The following LRRC38 variants were observed in gnomAD, a reference collection of about 807,000 sequenced individuals.
LRRC38 encodes leucine rich repeat containing 38, also known as leucine-rich repeat-containing protein 38.
A neutral mutation model predicts 16.4 loss-of-function variants in LRRC38; 5 were observed. That is an observed-to-expected ratio of 0.31 (90% confidence interval 0.16 to 0.64). The LOEUF (loss-of-function observed/expected upper bound fraction) is 0.64. LRRC38 is among the 30% of genes least tolerant of loss of function. The pLI, the probability that LRRC38 is intolerant of heterozygous loss-of-function variation, is 0.80. For synonymous variants in LRRC38, 191 were observed against 190.2 expected (o/e 1.00, Z -0.04); for missense variants, 341 against 401.8 (o/e 0.85, Z 1.29).
rs371251849 is a variant in LRRC38, at chr1:13,493,815, A to G, written c.632-17716T>C. Among the ~76,000 whole-genome samples the G allele has an allele frequency of 2.4e-4, 37 of 152,328 alleles. No individual in the cohort carries two copies. The East Asian group carries it at 6.8e-3, about 28-fold the overall frequency. On this transcript the variant is annotated intron_variant, in intron 1 of 1. Transcript: ENST00000376085. ...CATGGTGGCTCACACCTGTAATCCC[A>G]GCACTTTGGGAGGCTGAGGTGAGTA...
chr1:13,494,281 A>G (rs1314788397), intron 1 of LRRC38, among the ~76,000 whole-genome samples: 1 of 152,088 alleles, frequency 6.6e-6, no homozygotes, highest in East Asian at 1.9e-4. Flanking sequence ...TCATTGAGAC[A>G]CATTTGTAGC....
At chr1:13,492,971 G>A (rs1287437478) in intron 1 of LRRC38, among the ~76,000 whole-genome samples, 2 of 152,142 alleles carry the variant, frequency 1.3e-5, no homozygotes, top group East Asian at 3.9e-4. Flanking sequence ...AGTTCCCTGG[G>A]GGCCACGCTA....
Position 13,513,608 on chromosome 1 carries a change from C to G in LRRC38, c.-15G>C, listed in dbSNP as rs1370383609. The G allele has an allele frequency of 1.3e-5, 14 of 1,077,178 alleles. No homozygotes were observed. Among genetic ancestry groups the G allele is most frequent in the Non-Finnish European group, 1.6e-5 (14 of 891,258 alleles). 66.7% of individuals were successfully genotyped at this position (1,077,178 alleles called of 1,614,324 possible). A position where few individuals can be genotyped will look rare whatever the true frequency, so the allele number is the denominator to read the frequency against. ...CGGGGGCGCATGGCCGGGGGGCCCG[C>G]GCCGGCCGCGGCGAGAAGGAAGCGG... On this transcript the variant is annotated 5_prime_UTR_variant, in exon 1 of 2. Transcript: ENST00000376085.
At chr1:13,500,346 A>T (rs541093688) in intron 1 of LRRC38, among the ~76,000 whole-genome samples, 19 of 152,254 alleles carry the variant, frequency 1.2e-4, no homozygotes, top group African/African-American at 2.9e-4. Flanking sequence ...TTCTCTGTGG[A>T]CAAAGCGCAG....
chr1:13,490,589 C>T (rs2100502875), intron 1 of LRRC38, among the ~76,000 whole-genome samples: 1 of 152,284 alleles, frequency 6.6e-6, no homozygotes, highest in Middle Eastern at 3.4e-3. Context: ...CACCTCCACC[C>T]CCACCCGCTC....
chr1:13,476,011 C>A lies in LRRC38; in HGVS notation c.720G>T (p.Arg240Ser). ...ELSEASFSEC[R>S]FSLSLTDLCI... Reference sequence around the variant, plus strand: ...AGAGGTCTGTGAGTGACAGGCTGAACCTACACTCGCTGAAGCTGGCCTCCG... The same window carrying A: ...AGAGGTCTGTGAGTGACAGGCTGAAACTACACTCGCTGAAGCTGGCCTCCG... Residue 240 changes from arginine (R) to serine (S), a missense_variant, in exon 2 of 2, where the codon AGG becomes AGT. Transcript: ENST00000376085. 6.4e-7 allele frequency: 1 copy of A among 1,550,516 alleles called. No individual in the cohort carries two copies. The highest frequency in any genetic ancestry group is 8.7e-7 in the Non-Finnish European group (1 of 1,146,982).
chr1:13,486,815 T>C (rs1638941310), intron 1 of LRRC38, among the ~76,000 whole-genome samples: 1 of 152,112 alleles, frequency 6.6e-6, no homozygotes, highest in African/African-American at 2.4e-5. Flanking sequence ...GGTCTCGAAC[T>C]CCCAGACTCA....
chr1:13,496,614 G>A (rs1639083277), intron 1 of LRRC38, among the ~76,000 whole-genome samples: 1 of 152,040 alleles, frequency 6.6e-6, no homozygotes, highest in Admixed American at 6.6e-5. Flanking sequence ...CCTTTGCCTT[G>A]GCTCAGCATC....
At chr1:13,512,314 A>G (rs1290125151) in intron 1 of LRRC38, among the ~76,000 whole-genome samples, 1 of 152,166 alleles carries the variant, frequency 6.6e-6, no homozygotes, top group African/African-American at 2.4e-5. Flanking sequence ...CCACGCCGCC[A>G]TTGGAAGCGT....
At chr1:13,482,958 G>C (rs2100493018) in intron 1 of LRRC38, among the ~76,000 whole-genome samples, 1 of 152,244 alleles carries the variant, frequency 6.6e-6, no homozygotes, top group South Asian at 2.1e-4. Context: ...GAGAGGGCAA[G>C]TGACTTGCCC....
In LRRC38 at chr1:13,481,569, A is replaced by AT. The variant is rs200139787; in HGVS notation, c.632-5471dup. Among the ~76,000 whole-genome samples the AT allele has an allele frequency of 2.0e-5, 3 of 149,926 alleles. No individual in the cohort carries two copies. The East Asian group carries it at 6.0e-4, about 30-fold the overall frequency. On this transcript the variant is annotated intron_variant, in intron 1 of 1. Transcript: ENST00000376085. ...ACCACGCCCGGCTAATTTTTTTTGTATTTTTTTAGTAGAGACGGGGTTTCA... is the reference window on the plus strand; with the variant it reads ...ACCACGCCCGGCTAATTTTTTTTGTATTTTTTTTAGTAGAGACGGGGTTTCA...
At chr1:13,502,592 T>C (rs1639163739) in intron 1 of LRRC38, among the ~76,000 whole-genome samples, 1 of 152,234 alleles carries the variant, frequency 6.6e-6, no homozygotes, top group Non-Finnish European at 1.5e-5. Flanking sequence ...TGGCTTGCCA[T>C]GTGACTTGGA....
chr1:13,498,316 T>C (rs962424895), intron 1 of LRRC38, among the ~76,000 whole-genome samples: 2 of 151,564 alleles, frequency 1.3e-5, no homozygotes, highest in South Asian at 2.1e-4. Flanking sequence ...AGGAAAGCAA[T>C]GTATTTGGAT....
intron 1 of LRRC38, among the ~76,000 whole-genome samples, chr1:13,485,872 C>T (rs1388454323): frequency 6.6e-6 from 1 of 152,220 alleles, no homozygotes; most frequent in Non-Finnish European, 1.5e-5. Context: ...AAGGTGTCAG[C>T]CAGGCTGGGC....
At position 13,475,855 on chromosome 1, in the gene LRRC38, C is replaced by G; in HGVS notation, c.876G>C (p.Lys292Asn). The G allele has an allele frequency of 6.5e-7, 1 of 1,549,592 alleles. No homozygotes were observed. Among genetic ancestry groups the G allele is most frequent in the Non-Finnish European group, 8.7e-7 (1 of 1,146,710 alleles). The part of the protein sequence containing the change: ...NKDAEDEDED[K>N]DD ...GGAGGGAGGAGGTGGCTCAGTCATC[C>G]TTGTCCTCGTCTTCATCCTCCGCAT... is the stretch of plus-strand genomic sequence containing the variant. The change falls in exon 2 of 2, where the codon AAG becomes AAC. Residue 292 changes from lysine to asparagine, a missense_variant. Lys to Asn is a moderately conservative substitution (Grantham distance 94). Coordinates refer to ENST00000376085, the MANE Select transcript of LRRC38 (RefSeq NM_001010847.2). The surrounding 1 kb of genome is among the most constrained non-coding windows in gnomAD (Gnocchi z 4.3).
chr1:13,505,003 A>C (rs564940844), intron 1 of LRRC38, among the ~76,000 whole-genome samples: 1 of 152,242 alleles, frequency 6.6e-6, no homozygotes, highest in Admixed American at 6.5e-5. Flanking sequence ...TTGACTGTTC[A>C]GGACCAAGTG....
chr1:13,498,194 G>C (rs1044733163), intron 1 of LRRC38, among the ~76,000 whole-genome samples: 2 of 151,812 alleles, frequency 1.3e-5, no homozygotes, highest in African/African-American at 4.8e-5. Flanking sequence ...AGAGGAGCCT[G>C]CTCTGGGGCA....
At chr1:13,500,409 G>A (rs185571934) in intron 1 of LRRC38, among the ~76,000 whole-genome samples, 1 of 152,172 alleles carries the variant, frequency 6.6e-6, no homozygotes, top group African/African-American at 2.4e-5. Flanking sequence ...CCATCTGAAT[G>A]CTTCCTTTGC....
intron 1 of LRRC38, among the ~76,000 whole-genome samples, chr1:13,493,209 G>A (rs1196392111): frequency 1.3e-5 from 2 of 152,148 alleles, no homozygotes; most frequent in Admixed American, 6.5e-5. Context: ...CAGGGGCCAG[G>A]GAAGACCCAG....
Sources: allele counts gnomAD v4.1 joint callset (sites outside exome capture counted in the v4.1 genomes callset), GRCh38; gene constraint gnomAD v4.1.1; non-coding constraint Gnocchi (gnomAD v3.1); transcripts MANE v1.5; gene names NCBI Gene and HGNC (gene_info 2026-07-23, HGNC 2026-07-21).